Variants in YEATS2 observed in about 807,000 individuals in gnomAD.
YEATS2 encodes the protein YEATS domain-containing protein 2.
YEATS2 carries 77 observed loss-of-function variants against 163.2 expected under a neutral mutation model. That is an observed-to-expected ratio of 0.47 (90% CI 0.39 to 0.57). The LOEUF is 0.57. YEATS2 is among the 20% of genes least tolerant of loss of function. YEATS2 has a pLI of 0.00. For synonymous variants in YEATS2, 631 were observed against 645.1 expected (o/e 0.98, Z 0.33); for missense variants, 1,549 against 1,729.8 (o/e 0.90, Z 1.85).
At chr3:183,724,953 G>T (rs112723159) in intron 6 of YEATS2, among the ~76,000 whole-genome samples, 39 of 151,882 alleles carry the variant, frequency 2.6e-4, no homozygotes, top group African/African-American at 8.9e-4. Context: ...ATGTTGGTCA[G>T]GCTGGTCTTG....
chr3:183,809,780 C>CA (rs1366884898), intron 30 of YEATS2, among the ~76,000 whole-genome samples: 8 of 152,258 alleles, frequency 5.3e-5, no homozygotes, highest in Admixed American at 2.6e-4. Context: ...TCGGAGGAAA[C>CA]AAATATTATT....
chr3:183,737,430 A>C (rs1246691812), intron 8 of YEATS2, among the ~76,000 whole-genome samples: 3 of 151,940 alleles, frequency 2.0e-5, no homozygotes, highest in African/African-American at 7.2e-5. Flanking sequence ...TGCAACCATC[A>C]GAGAGAGAGA....
intron 13 of YEATS2, among the ~76,000 whole-genome samples, chr3:183,759,794 C>T (rs1252100498): frequency 6.6e-6 from 1 of 152,200 alleles, no homozygotes; most frequent in Non-Finnish European, 1.5e-5. Context: ...TGTGGGAAGT[C>T]AAAAATGCAC....
intron 27 of YEATS2, among the ~76,000 whole-genome samples, chr3:183,805,644 C>T (rs1470192299): frequency 6.6e-6 from 1 of 151,894 alleles, no homozygotes; most frequent in Admixed American, 6.6e-5. Context: ...CAAAAATTAG[C>T]CGGGCATGGT....
intron 14 of YEATS2, 97 bp from the exon 15 acceptor site, chr3:183,762,000 C>T: frequency 6.6e-7 from 1 of 1,509,436 alleles, no homozygotes; most frequent in South Asian, 1.1e-5. Context: ...TTCATCAATT[C>T]ATTAATCCCT....
chr3:183,721,513 TTTTTA>T (rs1451890590), intron 4 of YEATS2, among the ~76,000 whole-genome samples: 1 of 152,220 alleles, frequency 6.6e-6, no homozygotes, highest in Non-Finnish European at 1.5e-5. Flanking sequence ...TATATACAGC[TTTTTA>T]TTTGTATTTT....
intron 8 of YEATS2, among the ~76,000 whole-genome samples, chr3:183,746,668 T>TG (rs1232067653): frequency 6.6e-6 from 1 of 151,934 alleles, no homozygotes; most frequent in Non-Finnish European, 1.5e-5. Flanking sequence ...TTTTTTTTTT[T>TG]TTTTTAGCAG....
chr3:183,761,743 C>T, intron 14 of YEATS2, 129 bp downstream of exon 14: 2 of 855,556 alleles, frequency 2.3e-6, no homozygotes, highest in Non-Finnish European at 3.8e-6. Flanking sequence ...AGACGTGCTT[C>T]CATGTATTTA....
chr3:183,800,579 CA>C lies in YEATS2; in HGVS notation c.3428+13del. On this transcript the variant is annotated intron_variant, in intron 24 of 30. Transcript: ENST00000305135. ...AAACTATGTCATTAAGTAATTCTTC[CA>C]ATCTTTCCTAAAGGAATTCCGCTTC... 1 of 1,608,366 alleles carries C rather than the reference CA, an allele frequency of 6.2e-7. No individual in the cohort carries two copies. Among genetic ancestry groups the C allele is most frequent in the Non-Finnish European group, 8.5e-7 (1 of 1,175,276 alleles).
chr3:183,776,110 A>G lies in YEATS2; in HGVS notation c.2564A>G (p.Lys855Arg), dbSNP rs1433245017. ...CTGACTTACACATCTTACATCCTCAAGCAAACTCCCCAGGTCTGGTTCTCT... is the reference window on the plus strand; with the variant it reads ...CTGACTTACACATCTTACATCCTCAGGCAAACTCCCCAGGTCTGGTTCTCT... ...QHLTYTSYIL[K>R]QTPQGTFLVG... The change falls in exon 18 of 31, where the codon AAG becomes AGG. Residue 855 changes from lysine (K) to arginine (R), a missense_variant. Coordinates refer to ENST00000305135, the MANE Select transcript of YEATS2 (RefSeq NM_018023.5). 14 of 1,583,268 alleles carry G rather than the reference A, an allele frequency of 8.8e-6. No individual in the cohort carries two copies. The highest frequency in any genetic ancestry group is 1.2e-5 in the South Asian group (1 of 85,098).
intron 2 of YEATS2, among the ~76,000 whole-genome samples, chr3:183,716,058 C>T (rs1278509007): frequency 6.6e-6 from 1 of 152,040 alleles, no homozygotes; most frequent in African/African-American, 2.4e-5. Flanking sequence ...TTCCCCGGTT[C>T]GCGCCATTCT....
At chr3:183,794,714 A>G (rs1724973189) in intron 21 of YEATS2, among the ~76,000 whole-genome samples, 1 of 152,246 alleles carries the variant, frequency 6.6e-6, no homozygotes, top group Admixed American at 6.5e-5. Flanking sequence ...ATACCATGCC[A>G]AAGTCAAAAA....
At chr3:183,770,117 G>A (rs1295086113) in intron 15 of YEATS2, among the ~76,000 whole-genome samples, 2 of 151,854 alleles carry the variant, frequency 1.3e-5, no homozygotes, top group East Asian at 1.9e-4. Flanking sequence ...GGCCGGGTGC[G>A]GTGGCTCACA....
chr3:183,716,922 T>TC (rs57564230), intron 2 of YEATS2, among the ~76,000 whole-genome samples: 35 of 152,062 alleles, frequency 2.3e-4, no homozygotes, highest in Admixed American at 1.1e-3. Flanking sequence ...TTTTTTTTTT[T>TC]CGCTCTGTCA....
chr3:183,772,498 T>C lies in YEATS2; in HGVS notation c.2141T>C (p.Val714Ala). The change falls in exon 16 of 31, where the codon GTG becomes GCG. Residue 714 changes from valine to alanine, a missense_variant. Coordinates refer to ENST00000305135, the MANE Select transcript of YEATS2 (RefSeq NM_018023.5). Reference protein sequence around the residue: ...GGGGTIVAQPVQTLTKAQVTA... With the variant: ...GGGGTIVAQPAQTLTKAQVTA... ...GGAGGAACCATTGTTGCTCAGCCAG[T>C]GCAGACCTTAACCAAGGCCCAGGTT... 8.1e-6 allele frequency: 13 copies of C among 1,614,194 alleles called. No homozygotes were observed. Among genetic ancestry groups the C allele is most frequent in the Non-Finnish European group, 1.0e-5 (12 of 1,180,034 alleles).
Position 183,798,959 on chromosome 3 carries a change from C to T in YEATS2, c.3295C>T (p.Pro1099Ser), listed in dbSNP as rs201941589. ...LPVAAPTPVV[P>S]SSAPAAVAKV... ...TGTAGCTGCCCCAACTCCAGTTGTCCCCAGCTCTGCTCCAGCAGCTGTTGC... is the reference window on the plus strand; with the variant it reads ...TGTAGCTGCCCCAACTCCAGTTGTCTCCAGCTCTGCTCCAGCAGCTGTTGC... Residue 1099 changes from proline to serine, a missense_variant, in exon 23 of 31, where the codon CCC becomes TCC. Coordinates refer to ENST00000305135, the MANE Select transcript of YEATS2 (RefSeq NM_018023.5). 887 of 1,614,138 alleles carry T rather than the reference C, an allele frequency of 5.5e-4. 1 individual carries two copies. The highest frequency in any genetic ancestry group is 3.8e-3 in the Admixed American group (228 of 60,018).
At chr3:183,709,870 C>T (rs1206594789) in intron 1 of YEATS2, among the ~76,000 whole-genome samples, 5 of 151,262 alleles carry the variant, frequency 3.3e-5, no homozygotes, top group South Asian at 2.1e-4. Context: ...TTAGTAGAGA[C>T]GGGGTTTCCC....
chr3:183,736,890 C>T, intron 8 of YEATS2, 61 bp downstream of exon 8: 2 of 1,430,628 alleles, frequency 1.4e-6, no homozygotes, highest in Non-Finnish European at 1.9e-6. Context: ...TACAATTGAT[C>T]CTTGAATAGC....
rs1422744485 is a variant in YEATS2 at position 183,717,581 on chromosome 3, G to T, written c.101-70G>T. 6.9e-6 allele frequency: 8 copies of T among 1,162,624 alleles called. No individual in the cohort carries two copies. The Admixed American group carries it at 1.9e-4, about 27-fold the overall frequency. 72.0% of individuals were successfully genotyped at this position (1,162,624 alleles called of 1,614,324 possible). ...TACTATTTCTTGGATTTCTTTTGTT[G>T]CTTGCTGACTTAAATAAAGACAGTC... On this transcript the variant is annotated intron_variant, in intron 2 of 30. Coordinates refer to ENST00000305135, the MANE Select transcript of YEATS2 (RefSeq NM_018023.5).
Sources: gnomAD v4.1 joint callset for allele counts (sites outside exome capture counted in the v4.1 genomes callset) on GRCh38, gnomAD v4.1.1 for gene constraint, MANE v1.5 for transcripts, NCBI Gene and HGNC (gene_info 2026-07-23, HGNC 2026-07-21) for gene names.